The following PTPRD variants were observed in gnomAD, a reference collection of about 807,000 sequenced individuals.
PTPRD encodes protein tyrosine phosphatase receptor type D, also known as receptor-type tyrosine-protein phosphatase delta.
PTPRD carries 34 observed loss-of-function variants against 214.5 expected under a neutral mutation model. That is an observed-to-expected ratio of 0.16 (90% CI 0.12 to 0.21). The LOEUF (loss-of-function observed/expected upper bound fraction) is 0.21, where lower values mean the gene tolerates loss of function less well. Among genes scored for constraint, PTPRD ranks in the 10% least tolerant of loss-of-function variants. The pLI is 1.00. For synonymous variants in PTPRD, 1,128 were observed against 845.7 expected (o/e 1.33, Z -5.79); for missense variants, 2,545 against 2,398.7 (o/e 1.06, Z -1.27).
intron 3 of PTPRD, among the ~76,000 whole-genome samples, chr9:10,194,715 C>T (rs1233837879): frequency 2.0e-5 from 3 of 151,846 alleles, no homozygotes; most frequent in Non-Finnish European, 4.4e-5. Context: ...AGAACGTGAA[C>T]ATTAAAGAGA....
chr9:9,549,063 A>G (rs2079542486), intron 8 of PTPRD, among the ~76,000 whole-genome samples: 1 of 152,142 alleles, frequency 6.6e-6, no homozygotes, highest in Non-Finnish European at 1.5e-5. Context: ...TTCAAGAGGA[A>G]AGCATAGGCA....
intron 2 of PTPRD, among the ~76,000 whole-genome samples, chr9:10,502,898 T>A (rs557223269): frequency 6.6e-6 from 1 of 152,160 alleles, no homozygotes; most frequent in Admixed American, 6.5e-5. Flanking sequence ...TTCTAACATA[T>A]TGATAGCAAT....
chr9:9,239,730 C>T (rs2099969396), intron 9 of PTPRD, among the ~76,000 whole-genome samples: 1 of 152,148 alleles, frequency 6.6e-6, no homozygotes, highest in African/African-American at 2.4e-5. Context: ...AGCCAAAGTG[C>T]AGGGTCAAGC....
chr9:10,157,784 T>A (rs1180341392), intron 3 of PTPRD, among the ~76,000 whole-genome samples: 1 of 152,156 alleles, frequency 6.6e-6, no homozygotes, highest in Admixed American at 6.6e-5. Context: ...AAATGAATCA[T>A]AGATTTGACC....
At chr9:8,374,528 G>C (rs916000862) in intron 39 of PTPRD, among the ~76,000 whole-genome samples, 1 of 151,966 alleles carries the variant, frequency 6.6e-6, no homozygotes, top group Non-Finnish European at 1.5e-5. Context: ...ACCCTGTCTT[G>C]GATGTAGGGA....
chr9:10,212,792 G>A (rs1288266025), intron 3 of PTPRD, among the ~76,000 whole-genome samples: 1 of 152,072 alleles, frequency 6.6e-6, no homozygotes, highest in Non-Finnish European at 1.5e-5. Context: ...GTCCTACAAG[G>A]TTTCACCCAC....
At chr9:8,521,728 C>G (rs2097894682) in intron 19 of PTPRD, among the ~76,000 whole-genome samples, 182 bp from the exon 20 acceptor site, 1 of 152,058 alleles carries the variant, frequency 6.6e-6, no homozygotes, top group South Asian at 2.1e-4. Context: ...TGTGTATACA[C>G]AGAATTATTT....
At chr9:9,172,516 G>C (rs770637459) in intron 10 of PTPRD, among the ~76,000 whole-genome samples, 3 of 151,974 alleles carry the variant, frequency 2.0e-5, no homozygotes. Context: ...CATTATCTCG[G>C]GCTCTGTGTT....
chr9:8,808,712 AT>A (rs1404834510), intron 11 of PTPRD, among the ~76,000 whole-genome samples: 1 of 152,148 alleles, frequency 6.6e-6, no homozygotes, highest in Non-Finnish European at 1.5e-5. Context: ...CATGAAATGT[AT>A]ATATGTTCTA....
At chr9:9,389,913 G>T (rs1204043022) in intron 9 of PTPRD, among the ~76,000 whole-genome samples, 1 of 152,024 alleles carries the variant, frequency 6.6e-6, no homozygotes, top group East Asian at 1.9e-4. Flanking sequence ...ATTAAAGGCT[G>T]GACAAATAAA....
chr9:8,693,084 C>T (rs1215369736), intron 12 of PTPRD, among the ~76,000 whole-genome samples: 1 of 152,106 alleles, frequency 6.6e-6, no homozygotes, highest in African/African-American at 2.4e-5. Flanking sequence ...ATTGTTAGGC[C>T]TATGTGGTAT....
chr9:9,584,521 C>T (rs2091550061), intron 7 of PTPRD, among the ~76,000 whole-genome samples: 1 of 151,896 alleles, frequency 6.6e-6, no homozygotes, highest in Non-Finnish European at 1.5e-5. Context: ...TTTGTACCTG[C>T]TTCTCTCTCC....
At chr9:9,060,889 G>C (rs1270023018) in intron 10 of PTPRD, among the ~76,000 whole-genome samples, 2 of 152,138 alleles carry the variant, frequency 1.3e-5, no homozygotes, top group South Asian at 4.1e-4. Context: ...ATAGTCCTAT[G>C]ATAGAATCCT....
chr9:10,035,605 T>G (rs2097166190), intron 3 of PTPRD, among the ~76,000 whole-genome samples: 1 of 152,108 alleles, frequency 6.6e-6, no homozygotes, highest in East Asian at 1.9e-4. Flanking sequence ...CTCTTCTTAC[T>G]TCCCTATCTA....
At chr9:9,289,648 A>C (rs560641804) in intron 9 of PTPRD, among the ~76,000 whole-genome samples, 222 of 151,870 alleles carry the variant, frequency 1.5e-3, no homozygotes, top group African/African-American at 5.0e-3. Context: ...GCCCCTAGGA[A>C]CCACCTTTCT....
intron 11 of PTPRD, among the ~76,000 whole-genome samples, chr9:8,761,555 G>A (rs117145338): frequency 2.2e-3 from 334 of 152,276 alleles, no homozygotes; most frequent in South Asian, 4.3e-3. Context: ...TTGCAGCACA[G>A]AAAGCGGAGC....
intron 3 of PTPRD, among the ~76,000 whole-genome samples, chr9:10,108,304 A>AT (rs980276608): frequency 1.2e-4 from 19 of 152,026 alleles, no homozygotes; most frequent in Middle Eastern, 3.4e-3. Context: ...TCACAAACGT[A>AT]TTTTTTTTGT....
intron 2 of PTPRD, among the ~76,000 whole-genome samples, chr9:10,601,888 T>A (rs114142783): frequency 0.013 from 1,933 of 151,842 alleles, 33 homozygotes; most frequent in African/African-American, 0.043. Context: ...TGAAAATTCA[T>A]TGAATTTTCT....
At chr9:9,172,118 C>G (rs1166736900) in intron 10 of PTPRD, among the ~76,000 whole-genome samples, 1 of 152,128 alleles carries the variant, frequency 6.6e-6, no homozygotes, top group African/African-American at 2.4e-5. Flanking sequence ...TAAGTATTCT[C>G]TAAGTGAGCT....
Sources: gnomAD v4.1 joint callset for allele counts (sites outside exome capture counted in the v4.1 genomes callset) on GRCh38, gnomAD v4.1.1 for gene constraint, MANE v1.5 for transcripts, NCBI Gene and HGNC (gene_info 2026-07-23, HGNC 2026-07-21) for gene names.